The following SYT2 variants were observed in gnomAD, a reference collection of about 807,000 sequenced individuals.
SYT2 encodes synaptotagmin 2.
A neutral mutation model predicts 39.9 loss-of-function variants in SYT2; 15 were observed. The observed-to-expected ratio is 0.38, with a 90% CI of 0.25 to 0.58. The LOEUF (loss-of-function observed/expected upper bound fraction) is 0.58. Among genes scored for constraint, SYT2 ranks in the 20% least tolerant of loss-of-function variants. The pLI, the probability that SYT2 is intolerant of heterozygous loss-of-function variation, is 0.70. For synonymous variants in SYT2, 181 were observed against 204.5 expected (o/e 0.89, Z 0.98); for missense variants, 389 against 530.3 (o/e 0.73, Z 2.62).
At chr1:202,613,067 C>CTTTTT (rs1690930669) in intron 1 of SYT2, among the ~76,000 whole-genome samples, 1 of 121,604 alleles carries the variant, frequency 8.2e-6, no homozygotes. Context: ...ATTGGTTCTT[C>CTTTTT]CTTTTTTTTT....
chr1:202,673,033 C>A (rs377692321), intron 1 of SYT2, among the ~76,000 whole-genome samples: 5 of 152,144 alleles, frequency 3.3e-5, no homozygotes, highest in African/African-American at 1.2e-4. Context: ...TCACAATATC[C>A]AAACGTTTGC....
At chr1:202,624,476 GGTGT>G (rs1448811201) in intron 1 of SYT2, among the ~76,000 whole-genome samples, 1 of 149,468 alleles carries the variant, frequency 6.7e-6, no homozygotes, top group African/African-American at 2.5e-5. Context: ...TGTGTAGTGA[GGTGT>G]GTGTGGTGTA....
At chr1:202,640,157 C>T (rs1247896687) in intron 1 of SYT2, among the ~76,000 whole-genome samples, 1 of 152,166 alleles carries the variant, frequency 6.6e-6, no homozygotes, top group African/African-American at 2.4e-5. Flanking sequence ...GGGAGGTCAT[C>T]GCCTCTCCCC....
chr1:202,703,492 CTT>C (rs1654173503), intron 1 of SYT2, among the ~76,000 whole-genome samples: 2 of 152,124 alleles, frequency 1.3e-5, no homozygotes, highest in South Asian at 4.1e-4. Flanking sequence ...GGTTACAACT[CTT>C]TTCTGTTTCT....
chr1:202,710,220 G>C (rs1334852948), intron 1 of SYT2, 38 bp downstream of exon 1: 4 of 152,522 alleles, frequency 2.6e-5, no homozygotes, highest in South Asian at 2.1e-4. Context: ...CTTTGGAGAG[G>C]GAGGTCCGTG....
rs114621429 is a variant in SYT2 at position 202,599,378 on chromosome 1, A to G, written c.920-27T>C. 3,253 of 1,570,952 alleles carry G rather than the reference A, an allele frequency of 2.1e-3. 28 individuals are homozygous for G. Among genetic ancestry groups the G allele is most frequent in the Middle Eastern group, 0.014 (84 of 5,830 alleles). On this transcript the variant is annotated intron_variant, in intron 7 of 8. Transcript: ENST00000367268. The surrounding 1 kb of genome is among the most constrained non-coding windows in gnomAD (Gnocchi z 4.4). The stretch of plus-strand genomic sequence containing the variant: ...TGCGGAGGGAGAATCCCAACCCCAG[A>G]GAGGTTCCCCTTAGCCCCCAGCCTT...
intron 1 of SYT2, chr1:202,627,722 T>A: frequency 1.4e-6 from 1 of 700,644 alleles, no homozygotes; most frequent in African/African-American, 1.9e-5. Context: ...CATGTTTAAT[T>A]GCTTAAAAAT....
chr1:202,605,956 C>T (rs955418725), intron 1 of SYT2, among the ~76,000 whole-genome samples, 167 bp from the exon 2 acceptor site: 1 of 152,072 alleles, frequency 6.6e-6, no homozygotes, highest in Non-Finnish European at 1.5e-5. Context: ...AATTAGTACA[C>T]AGTCAGCCTG....
chr1:202,660,305 C>T (rs1692353302), intron 1 of SYT2, among the ~76,000 whole-genome samples: 1 of 152,194 alleles, frequency 6.6e-6, no homozygotes, highest in African/African-American at 2.4e-5. Flanking sequence ...TTGTCAGAAC[C>T]TCAGTTTCCT....
intron 1 of SYT2, among the ~76,000 whole-genome samples, chr1:202,683,703 C>T (rs967520729): frequency 6.8e-6 from 1 of 147,496 alleles, no homozygotes; most frequent in Non-Finnish European, 1.5e-5. Flanking sequence ...GATGGTGCCA[C>T]TGCACTCCAG....
At position 202,613,097 on chromosome 1, in the gene SYT2, T is replaced by TCCC. The variant is rs1372155809; in HGVS notation, c.-17-7309_-17-7308insGGG. Among the ~76,000 whole-genome samples, 125 of 123,054 alleles carry TCCC rather than the reference T, an allele frequency of 1.0e-3. 3 individuals are homozygous for TCCC. In the Middle Eastern group the frequency reaches 0.014, roughly 14 times the overall value. 80.7% of individuals were successfully genotyped at this position (123,054 alleles called of 152,430 possible). Reference sequence around the variant, plus strand: ...TTTTTTTTTTTTTTTTTTTTTTTTTTCCAGACAGAGTCTCGCTCTGTCGCC... The same window carrying TCCC: ...TTTTTTTTTTTTTTTTTTTTTTTTTTCCCCCAGACAGAGTCTCGCTCTGTCGCC... On this transcript the variant is annotated intron_variant, in intron 1 of 8. Transcript: ENST00000367268.
chr1:202,654,828 T>C (rs925120365), intron 1 of SYT2, among the ~76,000 whole-genome samples: 3 of 152,172 alleles, frequency 2.0e-5, no homozygotes, highest in Non-Finnish European at 4.4e-5. Context: ...GTGGGAAGTG[T>C]ATTCCAGGCA....
chr1:202,629,285 A>C (rs1691503107), intron 1 of SYT2, among the ~76,000 whole-genome samples: 1 of 152,112 alleles, frequency 6.6e-6, no homozygotes. Context: ...GAGCCATTGC[A>C]CTATCCCTGG....
chr1:202,649,352 T>C (rs1412408980), intron 1 of SYT2, among the ~76,000 whole-genome samples: 3 of 152,202 alleles, frequency 2.0e-5, no homozygotes, highest in African/African-American at 7.2e-5. Flanking sequence ...GTTAATGAGA[T>C]TCAAGTATTG....
chr1:202,609,180 A>G (rs1392743163), intron 1 of SYT2, among the ~76,000 whole-genome samples: 1 of 151,676 alleles, frequency 6.6e-6, no homozygotes, highest in Admixed American at 6.6e-5. Flanking sequence ...TTCCAGCTTC[A>G]TCCATGTCCC....
intron 1 of SYT2, among the ~76,000 whole-genome samples, chr1:202,634,345 C>T (rs1691683514): frequency 1.3e-5 from 2 of 152,102 alleles, no homozygotes; most frequent in South Asian, 4.1e-4. Context: ...TGGAGAAACC[C>T]CATCTGTACT....
chr1:202,619,319 A>C lies in SYT2; in HGVS notation c.-17-13530T>G, dbSNP rs141388892. On this transcript the variant is annotated intron_variant, in intron 1 of 8. Transcript: ENST00000367268. Reference sequence around the variant, plus strand: ...CTGGTCAGAATCACCCGAGCAGGAAAGCATGAAATGGCGCCATTAGGTGAA... The same window carrying C: ...CTGGTCAGAATCACCCGAGCAGGAACGCATGAAATGGCGCCATTAGGTGAA... Among the ~76,000 whole-genome samples the C allele has an allele frequency of 2.5e-3, 388 of 152,298 alleles. 1 individual carries two copies. The highest frequency in any genetic ancestry group is 8.8e-3 in the African/African-American group (366 of 41,564).
chr1:202,683,044 G>C (rs1018902237), intron 1 of SYT2, among the ~76,000 whole-genome samples: 2 of 152,198 alleles, frequency 1.3e-5, no homozygotes, highest in Non-Finnish European at 1.5e-5. Flanking sequence ...AAATGGAAGA[G>C]AGATGCCATG....
At position 202,608,865 on chromosome 1, in the gene SYT2, C is replaced by T. The variant is rs180998513; in HGVS notation, c.-17-3076G>A. Among the ~76,000 whole-genome samples the T allele has an allele frequency of 2.2e-4, 34 of 152,324 alleles. No homozygotes were observed. In the East Asian group the frequency reaches 6.0e-3, roughly 27 times the overall value. On this transcript the variant is annotated intron_variant, in intron 1 of 8. Coordinates refer to ENST00000367268, the MANE Select transcript of SYT2 (RefSeq NM_177402.5). ...ATGTATGAGGGTTCCAAGTTTTCCACATCCCAGACAACACTTATTTTTTTA... is the reference window on the plus strand; with the variant it reads ...ATGTATGAGGGTTCCAAGTTTTCCATATCCCAGACAACACTTATTTTTTTA...
Sources: gnomAD v4.1 joint callset for allele counts (sites outside exome capture counted in the v4.1 genomes callset) on GRCh38, gnomAD v4.1.1 for gene constraint, Gnocchi (gnomAD v3.1) non-coding constraint, MANE v1.5 for transcripts, NCBI Gene and HGNC (gene_info 2026-07-23, HGNC 2026-07-21) for gene names.